The following SOWAHB variants were observed in gnomAD, a reference collection of about 807,000 sequenced individuals.
SOWAHB encodes the protein ankyrin repeat domain-containing protein SOWAHB.
SOWAHB carries 17 observed loss-of-function variants against 18.3 expected under a neutral mutation model. That is an observed-to-expected ratio of 0.93 (90% CI 0.64 to 1.40). The LOEUF is 1.40. SOWAHB is among the 40% of genes most tolerant of loss of function. The probability of loss-of-function intolerance (pLI) is 0.00; values close to 1 mark genes in which losing one functional copy is unlikely to be tolerated. For missense variants in SOWAHB, 1,126 were observed against 1,033.7 expected, an observed-to-expected ratio of 1.09 and a Z score of -1.22; for synonymous variants, 496 against 448.1, an observed-to-expected ratio of 1.11 and a Z score of -1.35.
At position 76,897,681 on chromosome 4, in the gene SOWAHB, A is replaced by G. The variant is rs1181331434; in HGVS notation, c.169T>C (p.Ser57Pro). 1 of 1,612,102 alleles carries G rather than the reference A, an allele frequency of 6.2e-7. No individual in the cohort carries two copies. The highest frequency in any genetic ancestry group is 2.2e-5 in the East Asian group (1 of 44,832). Residue 57 changes from serine to proline, a missense_variant, in exon 1 of 1, where the codon TCG becomes CCG. Ser to Pro is a moderately conservative substitution (Grantham distance 74). Transcript: ENST00000334306. This position sits in a 1 kb window ranked among gnomAD's most constrained non-coding sequence, Gnocchi z 6.4. ...GGGTCCTGGCGCACTGCGGCGACCG[A>G]GTTGACGAAGCCCTTGAAGAGCTCG... ...RRELFKGFVNSVAAVRQDPDG... is the reference protein window; with the variant it reads ...RRELFKGFVNPVAAVRQDPDG...
Position 76,897,256 on chromosome 4 carries a change from C to T in SOWAHB, c.594G>A (p.Trp198Ter). ...AAAKTQGRCC[W>*]ECLQNNLAVL... ...CAGCCAGGTTGTTCTGGAGGCATTC[C>T]CAGCAGCAGCGGCCCTGCGTCTTCG... The change falls in exon 1 of 1, where the codon TGG (tryptophan) becomes TGA (stop). Residue 198 changes from tryptophan (W) to a stop codon, truncating the protein, a stop_gained. Coordinates refer to ENST00000334306, the MANE Select transcript of SOWAHB (RefSeq NM_001029870.3). LOFTEE classifies it low-confidence loss of function (END_TRUNC). This position sits in a 1 kb window ranked among gnomAD's most constrained non-coding sequence, Gnocchi z 6.4. 1.3e-6 allele frequency: 2 copies of T among 1,568,946 alleles called. No individual in the cohort carries two copies.
At position 76,895,239 on chromosome 4, in the gene SOWAHB, C is replaced by A; in HGVS notation, c.*229G>T. 1 of 465,688 alleles carries A rather than the reference C, an allele frequency of 2.1e-6. No individual in the cohort carries two copies. The highest frequency in any genetic ancestry group is 3.9e-5 in the Admixed American group (1 of 25,670). 28.8% of individuals were successfully genotyped at this position (465,688 alleles called of 1,614,324 possible). On this transcript the variant is annotated 3_prime_UTR_variant, in exon 1 of 1. Coordinates refer to ENST00000334306, the MANE Select transcript of SOWAHB (RefSeq NM_001029870.3). ...AGAATGCCTCCTAGATATCAAGCAC[C>A]TGGCCCCGCCTCTTGTCTAGGTTTC...
chr4:76,897,577 C>A lies in SOWAHB; in HGVS notation c.273G>T (p.Glu91Asp). The A allele has an allele frequency of 6.2e-7, 1 of 1,601,250 alleles. No individual in the cohort carries two copies. Among genetic ancestry groups the A allele is most frequent in the Non-Finnish European group, 8.5e-7 (1 of 1,177,468 alleles). Reference sequence around the variant, plus strand: ...CTGCACTGGGGGCGGCCGCGGGCGGCTCGCGGGGTCGCTGCAGCCCCTCCT... The same window carrying A: ...CTGCACTGGGGGCGGCCGCGGGCGGATCGCGGGGTCGCTGCAGCCCCTCCT... ...LGEEGLQRPR[E>D]PPAAAPSAGG... is the part of the protein sequence containing the mutation. Residue 91 changes from glutamate to aspartate, a missense_variant, in exon 1 of 1, where the codon GAG becomes GAT. Glu to Asp is a conservative substitution (Grantham distance 45, BLOSUM62 2). Coordinates refer to ENST00000334306, the MANE Select transcript of SOWAHB (RefSeq NM_001029870.3). This position sits in a 1 kb window ranked among gnomAD's most constrained non-coding sequence, Gnocchi z 6.4.
Position 76,897,297 on chromosome 4 carries a change from C to T in SOWAHB, c.553G>A (p.Ala185Thr). 2 of 1,541,858 alleles carry T rather than the reference C, an allele frequency of 1.3e-6. No individual in the cohort carries two copies. Among genetic ancestry groups the T allele is most frequent in the Non-Finnish European group, 1.7e-6 (2 of 1,150,324 alleles). Residue 185 changes from alanine to threonine, a missense_variant, in exon 1 of 1, where the codon GCG (alanine) becomes ACG (threonine). Coordinates refer to ENST00000334306, the MANE Select transcript of SOWAHB (RefSeq NM_001029870.3). The surrounding 1 kb of genome is among the most constrained non-coding windows in gnomAD (Gnocchi z 6.4). ...TGCGTCTTCGCCGCCGCGCAGCTCG[C>T]TCTCGCCTGGGCCCCTGCCGCTGCA... The part of the protein sequence containing the change: ...AAAAAGAQAR[A>T]SCAAAKTQGR...
In SOWAHB at chr4:76,897,170, C is replaced by T; in HGVS notation, c.680G>A (p.Arg227Gln). 1 of 1,567,108 alleles carries T rather than the reference C, an allele frequency of 6.4e-7. No homozygotes were observed. Among genetic ancestry groups the T allele is most frequent in the Non-Finnish European group, 8.6e-7 (1 of 1,164,272 alleles). The change falls in exon 1 of 1, where the codon CGG (arginine) becomes CAG (glutamine). Residue 227 changes from arginine to glutamine, a missense_variant. Physicochemically the swap from Arg to Gln is conservative, Grantham distance 43 (BLOSUM62 1). Transcript: ENST00000334306. This position sits in a 1 kb window ranked among gnomAD's most constrained non-coding sequence, Gnocchi z 6.4. ...HSATAEEKPA[R>Q]ALPAQDDRGA... ...GCGGTCATCCTGGGCAGGCAGAGCC[C>T]GTGCCGGCTTCTCCTCCGCGGTGGC...
chr4:76,896,776 C>T lies in SOWAHB; in HGVS notation c.1074G>A (p.Ser358=). The T allele has an allele frequency of 6.2e-7, 1 of 1,613,932 alleles. No homozygotes were observed. The highest frequency in any genetic ancestry group is 8.5e-7 in the Non-Finnish European group (1 of 1,180,048). ...NSEPPDPCLS[S]HSLFPVVPDE... ...CCGGAACAACAGGAAAGAGAGAGTG[C>T]GAGGAAAGACAGGGGTCTGGCGGCT... Residue 358 remains serine (S), a synonymous_variant, in exon 1 of 1, where the codon TCG becomes TCA. Coordinates refer to ENST00000334306, the MANE Select transcript of SOWAHB (RefSeq NM_001029870.3).
Position 76,896,504 on chromosome 4 carries a change from C to A in SOWAHB, c.1346G>T (p.Gly449Val). The change falls in exon 1 of 1, where the codon GGC becomes GTC. Residue 449 changes from glycine to valine, a missense_variant. Physicochemically the swap from Gly to Val is moderately radical, Grantham distance 109 (BLOSUM62 -3). Coordinates refer to ENST00000334306, the MANE Select transcript of SOWAHB (RefSeq NM_001029870.3). ...ACCCTGAGGGCTCCGGCTGGGGCTG[C>A]CCTCCTTCCGAGATACAGAAAGGCC... is the stretch of plus-strand genomic sequence containing the variant. ...AGGLSVSRKE[G>V]SPSRSPQGLR... The A allele has an allele frequency of 6.2e-7, 1 of 1,612,886 alleles. No homozygotes were observed. The highest frequency in any genetic ancestry group is 1.7e-4 in the Middle Eastern group (1 of 6,054).
rs1719910801 is a variant in SOWAHB, at chr4:76,896,312, T to C, written c.1538A>G (p.Glu513Gly). 1.2e-6 allele frequency: 2 copies of C among 1,608,414 alleles called. No individual in the cohort carries two copies. The highest frequency in any genetic ancestry group is 1.7e-6 in the Non-Finnish European group (2 of 1,176,270). The change falls in exon 1 of 1, where the codon GAG (glutamate) becomes GGG (glycine). Residue 513 changes from glutamate (E) to glycine (G), a missense_variant. By Grantham distance (98) the Glu-to-Gly change is moderately conservative. Transcript: ENST00000334306. ...GRAKLSSSDE[E>G]YLDEGLLKRS... ...TTTCAGCAAGCCCTCATCGAGGTAC[T>C]CCTCATCAGAGGAGGACAATTTGGC...
At position 76,896,493 on chromosome 4, in the gene SOWAHB, G is replaced by A; in HGVS notation, c.1357C>T (p.Arg453Trp). Reference sequence around the variant, plus strand: ...CTGTTTCTGAGACCCTGAGGGCTCCGGCTGGGGCTGCCCTCCTTCCGAGAT... The same window carrying A: ...CTGTTTCTGAGACCCTGAGGGCTCCAGCTGGGGCTGCCCTCCTTCCGAGAT... ...SVSRKEGSPS[R>W]SPQGLRNRGD... The change falls in exon 1 of 1, where the codon CGG becomes TGG. Residue 453 changes from arginine (R) to tryptophan (W), a missense_variant. Physicochemically the swap from Arg to Trp is moderately radical, Grantham distance 101 (BLOSUM62 -3). Coordinates refer to ENST00000334306, the MANE Select transcript of SOWAHB (RefSeq NM_001029870.3). 6.2e-7 allele frequency: 1 copy of A among 1,612,894 alleles called. No individual in the cohort carries two copies. The highest frequency in any genetic ancestry group is 8.5e-7 in the Non-Finnish European group (1 of 1,179,888).
Position 76,897,688 on chromosome 4 carries a change from G to A in SOWAHB, c.162C>T (p.Phe54=), listed in dbSNP as rs781621673. The A allele has an allele frequency of 5.0e-6, 8 of 1,611,976 alleles. No homozygotes were observed. In the Admixed American group the frequency reaches 6.7e-5, roughly 13 times the overall value. The change falls in exon 1 of 1, where the codon TTC becomes TTT. Residue 54 remains phenylalanine (F), a synonymous_variant. Transcript: ENST00000334306. This position sits in a 1 kb window ranked among gnomAD's most constrained non-coding sequence, Gnocchi z 6.4. Reference sequence around the variant, plus strand: ...GGCGCACTGCGGCGACCGAGTTGACGAAGCCCTTGAAGAGCTCGCGGCGGT... The same window carrying A: ...GGCGCACTGCGGCGACCGAGTTGACAAAGCCCTTGAAGAGCTCGCGGCGGT... ...HQHRRELFKG[F]VNSVAAVRQD...
chr4:76,895,471 G>A lies in SOWAHB; in HGVS notation c.2379C>T (p.Asp793=). 6.3e-7 allele frequency: 1 copy of A among 1,591,288 alleles called. No individual in the cohort carries two copies. The highest frequency in any genetic ancestry group is 1.2e-5 in the South Asian group (1 of 85,972). Residue 793 remains aspartate, a synonymous_variant, in exon 1 of 1, where the codon GAC becomes GAT. Coordinates refer to ENST00000334306, the MANE Select transcript of SOWAHB (RefSeq NM_001029870.3). ...ATGTTGGACAGAGAGACCCACCTCA[G>A]TCACTATACTCTTCTCTTTCCCTTG... ...HSPREREEYS[D]
At position 76,895,481 on chromosome 4, in the gene SOWAHB, T is replaced by A; in HGVS notation, c.2369A>T (p.Glu790Val). ...GAGAGACCCACCTCAGTCACTATACTCTTCTCTTTCCCTTGGACTGTGGAA... is the reference window on the plus strand; with the variant it reads ...GAGAGACCCACCTCAGTCACTATACACTTCTCTTTCCCTTGGACTGTGGAA... ...EKFHSPRERE[E>V]YSD Residue 790 changes from glutamate to valine, a missense_variant, in exon 1 of 1, where the codon GAG becomes GTG. By Grantham distance (121) the Glu-to-Val change is moderately radical. Transcript: ENST00000334306. 2 of 1,603,502 alleles carry A rather than the reference T, an allele frequency of 1.2e-6. No individual in the cohort carries two copies. The highest frequency in any genetic ancestry group is 1.7e-6 in the Non-Finnish European group (2 of 1,174,724).
chr4:76,898,041 G>T lies in SOWAHB; in HGVS notation c.-192C>A. The stretch of plus-strand genomic sequence containing the variant: ...GAGGGCCGTGGGTCCCCTCCGGGTG[G>T]CCCCAAGGCTGAGTCCCCGCGGCAG... On this transcript the variant is annotated 5_prime_UTR_variant, in exon 1 of 1. Transcript: ENST00000334306. The T allele has an allele frequency of 1.7e-6, 1 of 593,072 alleles. No individual in the cohort carries two copies. Among genetic ancestry groups the T allele is most frequent in the East Asian group, 3.1e-5 (1 of 32,166 alleles). The allele number at this position is 593,072 out of a possible 1,614,324, so 36.7% of individuals were successfully genotyped here.
chr4:76,897,508 C>T lies in SOWAHB; in HGVS notation c.342G>A (p.Glu114=), dbSNP rs961021860. ...PCSPRGARRG[E]PPQQQPRRRR... ...GCCGCCTGGGCTGCTGCTGGGGCGG[C>T]TCCCCCCGGCGCGCGCCTCGCGGGG... Residue 114 remains glutamate, a synonymous_variant, in exon 1 of 1, where the codon GAG becomes GAA. Coordinates refer to ENST00000334306, the MANE Select transcript of SOWAHB (RefSeq NM_001029870.3). This position sits in a 1 kb window ranked among gnomAD's most constrained non-coding sequence, Gnocchi z 6.4. The T allele has an allele frequency of 2.1e-6, 3 of 1,427,290 alleles. No individual in the cohort carries two copies. Among genetic ancestry groups the T allele is most frequent in the Non-Finnish European group, 1.8e-6 (2 of 1,100,748 alleles). The allele number at this position is 1,427,290 out of a possible 1,614,324, so 88.4% of individuals were successfully genotyped here.
chr4:76,898,120 G>T lies in SOWAHB; in HGVS notation c.-271C>A. ...CGCCCCTGCGCGACTCTAGCCTCTC[G>T]CAACGAGTCCTCACAGCGAAAGTTC... On this transcript the variant is annotated 5_prime_UTR_variant, in exon 1 of 1. Transcript: ENST00000334306. 1 of 443,360 alleles carries T rather than the reference G, an allele frequency of 2.3e-6. No individual in the cohort carries two copies. The highest frequency in any genetic ancestry group is 4.0e-6 in the Non-Finnish European group (1 of 252,334). 27.5% of individuals were successfully genotyped at this position (443,360 alleles called of 1,614,324 possible).
Position 76,897,477 on chromosome 4 carries a change from G to C in SOWAHB, c.373C>G (p.Arg125Gly). 6.8e-7 allele frequency: 1 copy of C among 1,478,086 alleles called. No homozygotes were observed. The highest frequency in any genetic ancestry group is 8.9e-7 in the Non-Finnish European group (1 of 1,121,490). 91.6% of individuals were successfully genotyped at this position (1,478,086 alleles called of 1,614,324 possible). Residue 125 changes from arginine (R) to glycine (G), a missense_variant, in exon 1 of 1, where the codon CGC becomes GGC. Coordinates refer to ENST00000334306, the MANE Select transcript of SOWAHB (RefSeq NM_001029870.3). The surrounding 1 kb of genome is among the most constrained non-coding windows in gnomAD (Gnocchi z 6.4). ...GGCTCCTCCTCCGGCTCCTTCTCGC[G>C]CCGCCGCCGCCTGGGCTGCTGCTGG... is the stretch of plus-strand genomic sequence containing the variant. ...PPQQQPRRRRREKEPEEEPAG... is the reference protein window; with the variant it reads ...PPQQQPRRRRGEKEPEEEPAG...
In SOWAHB at chr4:76,897,647, G is replaced by C; in HGVS notation, c.203C>G (p.Thr68Ser). Residue 68 changes from threonine (T) to serine (S), a missense_variant, in exon 1 of 1, where the codon ACC becomes AGC. Transcript: ENST00000334306. This position sits in a 1 kb window ranked among gnomAD's most constrained non-coding sequence, Gnocchi z 6.4. ...VAAVRQDPDG[T>S]KYVVLKRRYR... ...TCTCCTCTTGAGCACCACGTACTTGGTGCCGTCGGGGTCCTGGCGCACTGC... is the reference window on the plus strand; with the variant it reads ...TCTCCTCTTGAGCACCACGTACTTGCTGCCGTCGGGGTCCTGGCGCACTGC... 1 of 1,612,352 alleles carries C rather than the reference G, an allele frequency of 6.2e-7. No individual in the cohort carries two copies. The highest frequency in any genetic ancestry group is 8.5e-7 in the Non-Finnish European group (1 of 1,179,890).
chr4:76,897,619 G>GT lies in SOWAHB; in HGVS notation c.230dup (p.Tyr77Ter). The change falls in exon 1 of 1, where the codon TAC becomes TAAC. Residue 77 changes from tyrosine to a stop codon, truncating the protein, a stop_gained and frameshift_variant. Transcript: ENST00000334306. LOFTEE classifies it low-confidence loss of function (END_TRUNC). The surrounding 1 kb of genome is among the most constrained non-coding windows in gnomAD (Gnocchi z 6.4). The stretch of plus-strand genomic sequence containing the variant: ...GCCCCTCCTCCCCCAAAAGGTCCCT[G>GT]TATCTCCTCTTGAGCACCACGTACT... The part of the protein sequence containing the change: ...GTKYVVLKRR[Y>*]RDLLGEEGLQ... 6.2e-7 allele frequency: 1 copy of GT among 1,611,508 alleles called. No individual in the cohort carries two copies. The highest frequency in any genetic ancestry group is 8.5e-7 in the Non-Finnish European group (1 of 1,179,824).
rs371107763 is a variant in SOWAHB at position 76,896,677 on chromosome 4, G to A, written c.1173C>T (p.Leu391=). 15 of 1,614,070 alleles carry A rather than the reference G, an allele frequency of 9.3e-6. No homozygotes were observed. Among genetic ancestry groups the A allele is most frequent in the Admixed American group, 1.7e-5 (1 of 60,036 alleles). The change falls in exon 1 of 1, where the codon CTC becomes CTT. Residue 391 remains leucine (L), a synonymous_variant. Transcript: ENST00000334306. The part of the protein sequence containing the change: ...VFRSIRCQLS[L]QDLDDFVDQE... ...GGTCCACAAAGTCATCCAGATCTTG[G>A]AGGGACAGCTGACAACGAATGCTGC...
Sources: gnomAD v4.1 joint callset for allele counts on GRCh38, gnomAD v4.1.1 for gene constraint, Gnocchi (gnomAD v3.1) non-coding constraint, MANE v1.5 for transcripts, NCBI Gene and HGNC (gene_info 2026-07-23, HGNC 2026-07-21) for gene names.